VIT: variants seen among roughly 807,000 people sequenced by gnomAD.
VIT encodes the protein vitrin.
Under a neutral mutation model 78.0 loss-of-function variants are expected in VIT, and 99 were observed. The observed-to-expected ratio is 1.27, with a 90% CI of 1.08 to 1.50. VIT has a LOEUF of 1.50. Ranked by LOEUF, VIT falls within the 40% of genes most tolerant of loss-of-function variation. The probability of loss-of-function intolerance (pLI) is 0.00; values close to 1 mark genes in which losing one functional copy is unlikely to be tolerated. For synonymous variants in VIT, 374 were observed against 334.3 expected (o/e 1.12, Z -1.29); for missense variants, 1,126 against 875.3 (o/e 1.29, Z -3.61).
At chr2:36,790,246 A>T (rs1665394029) in intron 12 of VIT, among the ~76,000 whole-genome samples, 1 of 152,132 alleles carries the variant, frequency 6.6e-6, no homozygotes, top group Non-Finnish European at 1.5e-5. Context: ...GATTCGTGGA[A>T]AGGAAAGTGT....
chr2:36,745,250 C>T (rs80161832), intron 4 of VIT, among the ~76,000 whole-genome samples: 1 of 151,994 alleles, frequency 6.6e-6, no homozygotes, highest in African/African-American at 2.4e-5. Context: ...TAATGTGATA[C>T]CTCCAGCTTT....
intron 12 of VIT, among the ~76,000 whole-genome samples, chr2:36,792,115 A>T (rs1412411634): frequency 1.3e-5 from 2 of 152,142 alleles, no homozygotes; most frequent in Non-Finnish European, 2.9e-5. Context: ...GTCCTGCCTC[A>T]GACCTATTAA....
At chr2:36,717,653 C>A (rs1460213382) in intron 2 of VIT, among the ~76,000 whole-genome samples, 1 of 152,114 alleles carries the variant, frequency 6.6e-6, no homozygotes, top group African/African-American at 2.4e-5. Context: ...GGGTTCAGGG[C>A]CAAGCCCAAG....
At chr2:36,743,074 A>G (rs1333003773) in intron 3 of VIT, 26 bp from the exon 4 acceptor site, 1 of 1,613,268 alleles carries the variant, frequency 6.2e-7, no homozygotes, top group Non-Finnish European at 8.5e-7. Context: ...ACAAGGTGTA[A>G]TTTTGACCTC....
intron 1 of VIT, among the ~76,000 whole-genome samples, chr2:36,704,713 T>A (rs1665301816): frequency 6.6e-6 from 1 of 152,160 alleles, no homozygotes; most frequent in Non-Finnish European, 1.5e-5. Flanking sequence ...TACCCAGGTC[T>A]CTGGTTGCTG....
intron 4 of VIT, among the ~76,000 whole-genome samples, chr2:36,745,980 T>C (rs1016384662): frequency 2.0e-5 from 3 of 152,170 alleles, no homozygotes; most frequent in African/African-American, 7.2e-5. Flanking sequence ...GTTATGTTCC[T>C]ATAATATCTA....
chr2:36,710,633 G>C (rs562090130), intron 1 of VIT, among the ~76,000 whole-genome samples: 4 of 152,068 alleles, frequency 2.6e-5, no homozygotes, highest in African/African-American at 9.7e-5. Flanking sequence ...GCAGTGTAAT[G>C]ATATGAATGT....
chr2:36,712,068 T>G (rs1356953279), intron 1 of VIT, among the ~76,000 whole-genome samples: 1 of 152,188 alleles, frequency 6.6e-6, no homozygotes, highest in East Asian at 1.9e-4. Context: ...CTCTGTGACA[T>G]TGGACTGCCT....
chr2:36,724,995 G>A (rs1484779387), intron 2 of VIT, among the ~76,000 whole-genome samples: 1 of 152,076 alleles, frequency 6.6e-6, no homozygotes, highest in Non-Finnish European at 1.5e-5. Context: ...GTGAAAACAT[G>A]GTCTTTGCAC....
chr2:36,810,054 G>A (rs1446117453), intron 15 of VIT, among the ~76,000 whole-genome samples: 3 of 150,236 alleles, frequency 2.0e-5, no homozygotes, highest in Non-Finnish European at 4.4e-5. Flanking sequence ...CACTTTGGGA[G>A]GCTGAGGCGG....
At chr2:36,800,400 A>G (rs1019274124) in intron 12 of VIT, among the ~76,000 whole-genome samples, 8 of 152,188 alleles carry the variant, frequency 5.3e-5, no homozygotes, top group African/African-American at 1.9e-4. Context: ...CTGACTACAT[A>G]ATGTGCAGGG....
rs749922879 is a variant in VIT, at chr2:36,767,199, C to T, written c.593C>T (p.Thr198Ile). ...GTCACTGTAGCTGTGGCCACCCCCACCACCTTGCCAAGGCCATCCCCTTCT... is the reference window on the plus strand; with the variant it reads ...GTCACTGTAGCTGTGGCCACCCCCATCACCTTGCCAAGGCCATCCCCTTCT... ...LAVTVAVATP[T>I]TLPRPSPSAA... Residue 198 changes from threonine (T) to isoleucine (I), a missense_variant, in exon 7 of 16, where the codon ACC (threonine) becomes ATC (isoleucine). Transcript: ENST00000379242. 3 of 1,609,840 alleles carry T rather than the reference C, an allele frequency of 1.9e-6. No individual in the cohort carries two copies. The highest frequency in any genetic ancestry group is 2.7e-5 in the African/African-American group (2 of 74,768).
intron 4 of VIT, 38 bp from the exon 5 acceptor site, chr2:36,754,883 T>C: frequency 6.3e-7 from 1 of 1,597,336 alleles, no homozygotes. Context: ...AAAAAATATT[T>C]CTGTTCTTTC....
chr2:36,809,074 T>A (rs1173137720), intron 15 of VIT, 89 bp downstream of exon 15: 2 of 1,482,984 alleles, frequency 1.3e-6, no homozygotes, highest in African/African-American at 2.8e-5. Flanking sequence ...TGTCTTTTTA[T>A]GCATTGGTTT....
At position 36,803,487 on chromosome 2, in the gene VIT, G is replaced by A. The variant is rs1312809318; in HGVS notation, c.1163-1951G>A. ...GTGGGGTTGAGGGGATCTTCTCATG[G>A]CGTCTTGTGCTCTGCCCTATAGGTG... On this transcript the variant is annotated intron_variant, in intron 13 of 15. Coordinates refer to ENST00000379242, the MANE Select transcript of VIT (RefSeq NM_053276.4). Among the ~76,000 whole-genome samples, 20 of 152,306 alleles carry A rather than the reference G, an allele frequency of 1.3e-4. No homozygotes were observed. The South Asian group carries it at 1.7e-3, about 13-fold the overall frequency.
intron 12 of VIT, among the ~76,000 whole-genome samples, chr2:36,791,551 C>T (rs1376034149): frequency 6.6e-6 from 1 of 152,190 alleles, no homozygotes; most frequent in Non-Finnish European, 1.5e-5. Context: ...TGCAGTGTAG[C>T]CACACGTGTC....
chr2:36,787,118 C>G lies in VIT; in HGVS notation c.911-11C>G. 3.1e-6 allele frequency: 5 copies of G among 1,613,538 alleles called. No individual in the cohort carries two copies. Among genetic ancestry groups the G allele is most frequent in the Non-Finnish European group, 4.2e-6 (5 of 1,179,842 alleles). Reference sequence around the variant, plus strand: ...ATCATGAGAATAATAGAGTCTTTTTCCGTTCCGCAGACTGCAAAATTGACT... The same window carrying G: ...ATCATGAGAATAATAGAGTCTTTTTGCGTTCCGCAGACTGCAAAATTGACT... On this transcript the variant is annotated splice_polypyrimidine_tract_variant and intron_variant, in intron 11 of 15. Coordinates refer to ENST00000379242, the MANE Select transcript of VIT (RefSeq NM_053276.4).
chr2:36,799,819 A>C (rs866015035), intron 12 of VIT, among the ~76,000 whole-genome samples: 14 of 152,172 alleles, frequency 9.2e-5, no homozygotes, highest in African/African-American at 3.4e-4. Context: ...AGGCCAAGGC[A>C]GGCAGATCAC....
chr2:36,750,155 A>T (rs922307328), intron 4 of VIT, among the ~76,000 whole-genome samples: 2 of 152,264 alleles, frequency 1.3e-5, no homozygotes, highest in African/African-American at 4.8e-5. Context: ...GCTATTTCAT[A>T]ACTTCAGACT....
Sources: allele counts gnomAD v4.1 joint callset (sites outside exome capture counted in the v4.1 genomes callset), GRCh38; gene constraint gnomAD v4.1.1; transcripts MANE v1.5; gene names NCBI Gene and HGNC (gene_info 2026-07-23, HGNC 2026-07-21).